TMEM132C: variants seen among roughly 807,000 people sequenced by gnomAD.
TMEM132C encodes the protein protein phosphatase 1, regulatory subunit 152.
In TMEM132C, 29 loss-of-function variants were observed where a neutral mutation model predicts 61.4. The observed-to-expected ratio is 0.47, with a 90% CI of 0.35 to 0.64. TMEM132C has a LOEUF of 0.64. Among genes scored for constraint, TMEM132C ranks in the 30% least tolerant of loss-of-function variants. TMEM132C has a pLI of 0.00. For synonymous variants in TMEM132C, 656 were observed against 633.1 expected (o/e 1.04, Z -0.54); for missense variants, 1,408 against 1,476.9 (o/e 0.95, Z 0.76).
chr12:128,327,407 G>T (rs939803343), intron 1 of TMEM132C, among the ~76,000 whole-genome samples: 2 of 149,202 alleles, frequency 1.3e-5, no homozygotes, highest in Non-Finnish European at 2.9e-5. Flanking sequence ...TTTTGAGATG[G>T]AGTCTCACAC....
At chr12:128,408,129 T>TC (rs1875410982) in intron 1 of TMEM132C, among the ~76,000 whole-genome samples, 1 of 152,148 alleles carries the variant, frequency 6.6e-6, no homozygotes, top group African/African-American at 2.4e-5. Context: ...CTTCACTTCA[T>TC]CCCTTCTCAC....
chr12:128,602,967 T>G (rs1452697739), intron 3 of TMEM132C, among the ~76,000 whole-genome samples: 1 of 152,250 alleles, frequency 6.6e-6, no homozygotes, highest in Non-Finnish European at 1.5e-5. Context: ...CCAAGGTTAC[T>G]GGCTCCAAAC....
intron 2 of TMEM132C, among the ~76,000 whole-genome samples, chr12:128,418,533 T>G (rs1393477979): frequency 6.6e-6 from 1 of 152,242 alleles, no homozygotes; most frequent in Non-Finnish European, 1.5e-5. Flanking sequence ...AGGCGCTTCT[T>G]TAAACAAATT....
chr12:128,637,978 T>C (rs182890617), intron 4 of TMEM132C, among the ~76,000 whole-genome samples: 1 of 152,360 alleles, frequency 6.6e-6, no homozygotes, highest in East Asian at 1.9e-4. Flanking sequence ...AGATTATTTA[T>C]GCATAGAGAG....
At chr12:128,387,417 C>T (rs1874621754) in intron 1 of TMEM132C, among the ~76,000 whole-genome samples, 1 of 152,230 alleles carries the variant, frequency 6.6e-6, no homozygotes, top group African/African-American at 2.4e-5. Context: ...GGGAACCGCA[C>T]ACCCAGTGCT....
intron 1 of TMEM132C, among the ~76,000 whole-genome samples, chr12:128,317,160 A>G (rs1872179082): frequency 6.6e-6 from 1 of 152,148 alleles, no homozygotes; most frequent in Non-Finnish European, 1.5e-5. Flanking sequence ...TATCTTCTCT[A>G]CTGACCTGCA....
chr12:128,271,553 A>C (rs1479806697), intron 1 of TMEM132C, among the ~76,000 whole-genome samples: 2 of 152,168 alleles, frequency 1.3e-5, no homozygotes, highest in Admixed American at 6.5e-5. Context: ...AGGATTTCCA[A>C]CTTCTCTCAA....
rs570055209 is a variant in TMEM132C at position 128,267,416 on chromosome 12, G to A, written c.14G>A (p.Gly5Asp). 372 of 1,226,752 alleles carry A rather than the reference G, an allele frequency of 3.0e-4. 1 individual carries two copies. The African/African-American group carries it at 4.8e-3, about 16-fold the overall frequency. 76.0% of individuals were successfully genotyped at this position (1,226,752 alleles called of 1,614,324 possible). A position where few individuals can be genotyped will look rare whatever the true frequency, so the allele number is the denominator to read the frequency against. Residue 5 changes from glycine (G) to aspartate (D), a missense_variant, in exon 1 of 9, where the codon GGT (glycine) becomes GAT (aspartate). By Grantham distance (94) the Gly-to-Asp change is moderately conservative. Transcript: ENST00000435159. The part of the protein sequence containing the change: MRSE[G>D]AAPGPAAPLC... ...CCGGGACGCAGGATGCGCTCCGAGG[G>A]TGCGGCCCCCGGGCCGGCGGCGCCG...
At chr12:128,597,032 C>A (rs545070263) in intron 3 of TMEM132C, among the ~76,000 whole-genome samples, 1 of 152,152 alleles carries the variant, frequency 6.6e-6, no homozygotes, top group Admixed American at 6.5e-5. Flanking sequence ...AACAGTGCCC[C>A]CCTAGAAGTG....
chr12:128,515,569 C>G (rs924387218), intron 2 of TMEM132C, among the ~76,000 whole-genome samples: 4 of 152,242 alleles, frequency 2.6e-5, no homozygotes, highest in Non-Finnish European at 5.9e-5. Context: ...CACAGTGGCT[C>G]ACGCCTGTAA....
chr12:128,581,538 T>C lies in TMEM132C; in HGVS notation c.1122-34614T>C, dbSNP rs531561919. 2.0e-5 allele frequency among the ~76,000 whole-genome samples: 3 copies of C among 152,350 alleles called. No homozygotes were observed. In the South Asian group the frequency reaches 6.2e-4, roughly 32 times the overall value. ...TCATCACAGCAGTTACCACAAATCC[T>C]GGGCTCCTTGAATCTGAACCTCTTT... On this transcript the variant is annotated intron_variant, in intron 3 of 8. Transcript: ENST00000435159.
chr12:128,706,865 T>C lies in TMEM132C; in HGVS notation c.*570T>C, dbSNP rs1382525074. ...TTACTTGATCATCTTTTATTTTCTT[T>C]TCCACTTTTTCCTTTTTTCTCTCTC... is the stretch of plus-strand genomic sequence containing the variant. On this transcript the variant is annotated 3_prime_UTR_variant, in exon 9 of 9. Transcript: ENST00000435159. The C allele has an allele frequency of 6.6e-6, 1 of 152,222 alleles. No homozygotes were observed. The highest frequency in any genetic ancestry group is 2.4e-5 in the African/African-American group (1 of 41,454). 9.4% of individuals were successfully genotyped at this position (152,222 alleles called of 1,614,324 possible).
chr12:128,316,379 G>A (rs1428992898), intron 1 of TMEM132C, among the ~76,000 whole-genome samples: 1 of 152,112 alleles, frequency 6.6e-6, no homozygotes, highest in Non-Finnish European at 1.5e-5. Flanking sequence ...CACCTCCACA[G>A]CAGTAAGATA....
rs548296425 is a variant in TMEM132C at position 128,507,078 on chromosome 12, A to G, written c.975-36879A>G. On this transcript the variant is annotated intron_variant, in intron 2 of 8. Coordinates refer to ENST00000435159, the MANE Select transcript of TMEM132C (RefSeq NM_001136103.3). ...GTTTACCTGGCTTTGGGGCTCCTAG[A>G]TTAATTTAAAGTGTTTGGTTTTCTG... Among the ~76,000 whole-genome samples the G allele has an allele frequency of 8.5e-5, 13 of 152,164 alleles. No homozygotes were observed. The South Asian group carries it at 2.3e-3, about 27-fold the overall frequency.
intron 3 of TMEM132C, among the ~76,000 whole-genome samples, chr12:128,578,067 GA>G (rs1167197795): frequency 6.6e-6 from 1 of 152,158 alleles, no homozygotes; most frequent in African/African-American, 2.4e-5. Context: ...TACCGAGTAT[GA>G]AAAAACTGTA....
intron 1 of TMEM132C, among the ~76,000 whole-genome samples, chr12:128,333,516 G>A (rs1473074061): frequency 6.6e-6 from 1 of 151,914 alleles, no homozygotes; most frequent in African/African-American, 2.4e-5. Context: ...GTATTTGAGA[G>A]GGCTTTGTGT....
At chr12:128,365,087 G>T (rs1456448632) in intron 1 of TMEM132C, among the ~76,000 whole-genome samples, 1 of 152,198 alleles carries the variant, frequency 6.6e-6, no homozygotes, top group Non-Finnish European at 1.5e-5. Flanking sequence ...ATCCTGAGTT[G>T]AAACAAGCTC....
At chr12:128,355,274 G>C (rs887211717) in intron 1 of TMEM132C, among the ~76,000 whole-genome samples, 24 of 152,156 alleles carry the variant, frequency 1.6e-4, no homozygotes, top group African/African-American at 4.8e-4. Flanking sequence ...GGGATCTTCA[G>C]GAGGGAAGGG....
In TMEM132C at chr12:128,705,672, C is replaced by T; in HGVS notation, c.2704C>T (p.Pro902Ser). 3 of 1,551,368 alleles carry T rather than the reference C, an allele frequency of 1.9e-6. No homozygotes were observed. The highest frequency in any genetic ancestry group is 2.6e-6 in the Non-Finnish European group (3 of 1,146,982). Reference protein sequence around the residue: ...FTNFPAHVDLPKAGSGLEEND... With the variant: ...FTNFPAHVDLSKAGSGLEEND... ...CAACTTCCCTGCCCACGTGGACCTCCCCAAGGCCGGGAGTGGGCTGGAGGA... is the reference window on the plus strand; with the variant it reads ...CAACTTCCCTGCCCACGTGGACCTCTCCAAGGCCGGGAGTGGGCTGGAGGA... Residue 902 changes from proline (P) to serine (S), a missense_variant, in exon 9 of 9, where the codon CCC becomes TCC. By Grantham distance (74) the Pro-to-Ser change is moderately conservative. Coordinates refer to ENST00000435159, the MANE Select transcript of TMEM132C (RefSeq NM_001136103.3).
Sources: allele counts gnomAD v4.1 joint callset (sites outside exome capture counted in the v4.1 genomes callset), GRCh38; gene constraint gnomAD v4.1.1; transcripts MANE v1.5; gene names NCBI Gene and HGNC (gene_info 2026-07-23, HGNC 2026-07-21).